The following BCAS1 variants were observed in gnomAD, a reference collection of about 807,000 sequenced individuals.
BCAS1 encodes the protein breast carcinoma-amplified sequence 1.
In BCAS1, 46 loss-of-function variants were observed where a neutral mutation model predicts 65.4. That is an observed-to-expected ratio of 0.70 (90% confidence interval 0.55 to 0.90). The LOEUF is 0.90. Ranked by LOEUF, BCAS1 falls within the 40% of genes least tolerant of loss-of-function variation. BCAS1 has a pLI of 0.00. For missense variants in BCAS1, 793 were observed against 771.2 expected (o/e 1.03, Z -0.33); for synonymous variants, 298 against 293.5 (o/e 1.02, Z -0.16).
intron 4 of BCAS1, among the ~76,000 whole-genome samples, chr20:53,996,612 C>T (rs942763012): frequency 5.9e-5 from 9 of 152,108 alleles, no homozygotes; most frequent in Non-Finnish European, 8.8e-5. Flanking sequence ...GGGTAGGATG[C>T]GTTCTGAATC....
intron 1 of BCAS1, among the ~76,000 whole-genome samples, chr20:54,065,700 G>T (rs559318251): frequency 6.6e-6 from 1 of 152,192 alleles, no homozygotes; most frequent in Admixed American, 6.5e-5. Context: ...GAGTAAATTC[G>T]TCTGTGGTGG....
intron 3 of BCAS1, among the ~76,000 whole-genome samples, chr20:54,041,257 T>G (rs774938842): frequency 4.6e-5 from 7 of 151,374 alleles, no homozygotes; most frequent in Non-Finnish European, 1.0e-4. Flanking sequence ...GTGGAACGAT[T>G]GCACACATGG....
At chr20:53,975,622 T>C (rs1378321303) in intron 8 of BCAS1, among the ~76,000 whole-genome samples, 192 bp from the exon 9 acceptor site, 1 of 148,162 alleles carries the variant, frequency 6.7e-6, no homozygotes, top group Non-Finnish European at 1.5e-5. Flanking sequence ...TATATATAGT[T>C]ATGTATTTTA....
In BCAS1 at chr20:54,015,233, T is replaced by A. The variant is rs187036667; in HGVS notation, c.723+13159A>T. On this transcript the variant is annotated intron_variant, in intron 4 of 12. Coordinates refer to ENST00000688948, the MANE Select transcript of BCAS1 (RefSeq NM_001366298.2). Reference sequence around the variant, plus strand: ...TTTCAGTAGAGATGGGGTTTCACCATGTTGGCCAGGCTGATCTCAAACTCC... The same window carrying A: ...TTTCAGTAGAGATGGGGTTTCACCAAGTTGGCCAGGCTGATCTCAAACTCC... 7.9e-4 allele frequency among the ~76,000 whole-genome samples: 120 copies of A among 152,232 alleles called. 2 individuals carry two copies. In the East Asian group the frequency reaches 0.021, roughly 26 times the overall value.
At chr20:54,066,193 C>G (rs986575559) in intron 1 of BCAS1, among the ~76,000 whole-genome samples, 3 of 152,030 alleles carry the variant, frequency 2.0e-5, no homozygotes, top group Non-Finnish European at 4.4e-5. Context: ...CTGCCTCAGT[C>G]TCCCGAGTAG....
rs1409707410 is a variant in BCAS1, at chr20:54,028,403, G to C, written c.712C>G (p.Pro238Ala). The change falls in exon 4 of 13, where the codon CCT becomes GCT. Residue 238 changes from proline to alanine, a missense_variant. Transcript: ENST00000688948. ...PGLSGQSDDV[P>A]AGKDIVDGKE... is the part of the protein sequence containing the mutation. ...CTTGGCACACTTACCTTCCCTGCAG[G>C]GACATCATCGGACTGCCCTGATAAG... The C allele has an allele frequency of 6.2e-7, 1 of 1,614,130 alleles. No individual in the cohort carries two copies. The highest frequency in any genetic ancestry group is 8.5e-7 in the Non-Finnish European group (1 of 1,180,020).
At chr20:54,063,999 GGT>G (rs1167228076) in intron 1 of BCAS1, among the ~76,000 whole-genome samples, 1 of 152,140 alleles carries the variant, frequency 6.6e-6, no homozygotes, top group East Asian at 1.9e-4. Context: ...TGGGTGGAGG[GGT>G]GTTGTTTTTG....
intron 7 of BCAS1, among the ~76,000 whole-genome samples, chr20:53,990,017 G>A (rs1568849383): frequency 6.6e-6 from 1 of 152,204 alleles, no homozygotes; most frequent in East Asian, 1.9e-4. Flanking sequence ...TCAATTTGGA[G>A]ATTGTATGTC....
At chr20:54,017,399 CTTTTTTTTTTT>C (rs200791354) in intron 4 of BCAS1, among the ~76,000 whole-genome samples, 9,361 of 121,742 alleles carry the variant, frequency 0.077, 540 homozygotes, top group East Asian at 0.4. Context: ...TTTTTCTTTT[CTTTTTTTTTTT>C]TTTGAGGTGG....
intron 6 of BCAS1, among the ~76,000 whole-genome samples, chr20:53,993,176 C>T (rs1419824095): frequency 6.6e-6 from 1 of 152,148 alleles, no homozygotes; most frequent in African/African-American, 2.4e-5. Context: ...GATGGGTAGA[C>T]CCCCGCCAGG....
intron 4 of BCAS1, among the ~76,000 whole-genome samples, chr20:54,004,129 G>A (rs1283111833): frequency 6.6e-6 from 1 of 152,186 alleles, no homozygotes; most frequent in Non-Finnish European, 1.5e-5. Flanking sequence ...TTAGGAGGTG[G>A]GGCCTTGGGG....
At chr20:54,065,793 G>A (rs2092433356) in intron 1 of BCAS1, among the ~76,000 whole-genome samples, 1 of 152,220 alleles carries the variant, frequency 6.6e-6, no homozygotes, top group Admixed American at 6.5e-5. Flanking sequence ...TGTCTGAGAA[G>A]TGAGGGGTGG....
intron 11 of BCAS1, 86 bp from the exon 12 acceptor site, chr20:53,953,781 G>T (rs1251513214): frequency 1.4e-6 from 2 of 1,436,332 alleles, no homozygotes; most frequent in Non-Finnish European, 1.9e-6. Flanking sequence ...AAACAGAGAT[G>T]TTCAAATGTT....
At chr20:54,036,841 A>G (rs1046775731) in intron 3 of BCAS1, among the ~76,000 whole-genome samples, 3 of 151,446 alleles carry the variant, frequency 2.0e-5, no homozygotes, top group Non-Finnish European at 4.4e-5. Flanking sequence ...TTCTAGAAAG[A>G]CTTTTAAAAA....
intron 10 of BCAS1, among the ~76,000 whole-genome samples, chr20:53,962,929 C>A (rs1323883935): frequency 6.6e-6 from 1 of 152,070 alleles, no homozygotes. Context: ...CAGCTCACTG[C>A]AAGCTCTGCC....
At chr20:53,951,521 A>G in intron 12 of BCAS1, among the ~76,000 whole-genome samples, 1 of 152,156 alleles carries the variant, frequency 6.6e-6, no homozygotes, top group Non-Finnish European at 1.5e-5. Flanking sequence ...TTTCCCCAAC[A>G]TCTTTCCTGG....
chr20:53,952,582 A>T (rs2089561603), intron 12 of BCAS1, among the ~76,000 whole-genome samples: 1 of 152,238 alleles, frequency 6.6e-6, no homozygotes. Flanking sequence ...CTGCAACCAC[A>T]TTTAGTAAGT....
chr20:53,995,599 C>T (rs1242165547), intron 5 of BCAS1, among the ~76,000 whole-genome samples: 1 of 151,556 alleles, frequency 6.6e-6, no homozygotes, highest in Non-Finnish European at 1.5e-5. Context: ...TTTTTATGAT[C>T]AATGAACATA....
In BCAS1 at chr20:54,030,539, G is replaced by T. The variant is rs2091776331; in HGVS notation, c.143-1567C>A. 2.0e-5 allele frequency among the ~76,000 whole-genome samples: 3 copies of T among 151,788 alleles called. 1 individual carries two copies. The highest frequency in any genetic ancestry group is 7.2e-5 in the African/African-American group (3 of 41,418). ...TTGCAGGAAGACAGAAAAATAAAGG[G>T]AAGAATTGAGATTTCTTTGATCTAT... On this transcript the variant is annotated intron_variant, in intron 3 of 12. Coordinates refer to ENST00000688948, the MANE Select transcript of BCAS1 (RefSeq NM_001366298.2).
Sources: gnomAD v4.1 joint callset for allele counts (sites outside exome capture counted in the v4.1 genomes callset) on GRCh38, gnomAD v4.1.1 for gene constraint, MANE v1.5 for transcripts, NCBI Gene and HGNC (gene_info 2026-07-23, HGNC 2026-07-21) for gene names.